Variants in DISP1 observed in about 807,000 individuals in gnomAD.
DISP1 encodes dispatched RND transporter family member 1, also known as protein dispatched homolog 1.
A neutral mutation model predicts 37.3 loss-of-function variants in DISP1; 30 were observed. The observed-to-expected ratio is 0.80, with a 90% CI of 0.60 to 1.09. DISP1 has a LOEUF of 1.09. Among genes scored for constraint, DISP1 ranks in the 50% least tolerant of loss-of-function variants. The probability of loss-of-function intolerance (pLI) is 0.00; values close to 1 mark genes in which losing one functional copy is unlikely to be tolerated. For synonymous variants in DISP1, 634 were observed against 690.2 expected (o/e 0.92, Z 1.28); for missense variants, 1,598 against 1,879.5 (o/e 0.85, Z 2.77).
Position 223,002,655 on chromosome 1 carries a change from A to G in DISP1, c.1258A>G (p.Lys420Glu), listed in dbSNP as rs1368159731. The change falls in exon 9 of 9, where the codon AAG (lysine) becomes GAG (glutamate). Residue 420 changes from lysine (K) to glutamate (E), a missense_variant. Transcript: ENST00000675850. The stretch of plus-strand genomic sequence containing the variant: ...CACCAATGTGCCACGCAAATGTACC[A>G]AGTACAATGCTGTGTACCAGATCCT... ...KCTNVPRKCT[K>E]YNAVYQILHY... 2 of 1,614,078 alleles carry G rather than the reference A, an allele frequency of 1.2e-6. No individual in the cohort carries two copies. Among genetic ancestry groups the G allele is most frequent in the African/African-American group, 1.3e-5 (1 of 74,932 alleles).
chr1:222,828,940 G>A (rs1293689495), intron 1 of DISP1, among the ~76,000 whole-genome samples: 1 of 152,168 alleles, frequency 6.6e-6, no homozygotes, highest in Non-Finnish European at 1.5e-5. Context: ...CTTCATGGGA[G>A]TATTTTGTAT....
chr1:222,993,396 A>G (rs1214646002), intron 7 of DISP1, among the ~76,000 whole-genome samples: 1 of 152,228 alleles, frequency 6.6e-6, no homozygotes, highest in African/African-American at 2.4e-5. Context: ...GAATATTAAC[A>G]TTAAAGCTCT....
intron 1 of DISP1, among the ~76,000 whole-genome samples, chr1:222,865,310 ATAT>A (rs1669121438): frequency 6.6e-6 from 1 of 152,150 alleles, no homozygotes; most frequent in Non-Finnish European, 1.5e-5. Context: ...GGTTAGTTTT[ATAT>A]TATTAAGACT....
intron 1 of DISP1, among the ~76,000 whole-genome samples, chr1:222,881,589 T>G (rs892240268): frequency 1.2e-4 from 18 of 152,224 alleles, no homozygotes. Context: ...TGTTTTTGTT[T>G]TTTCCTCCTT....
chr1:222,944,171 A>C (rs750781697), intron 3 of DISP1, among the ~76,000 whole-genome samples: 1 of 152,200 alleles, frequency 6.6e-6, no homozygotes, highest in African/African-American at 2.4e-5. Context: ...AATTCCCTTC[A>C]TAGCAGATAA....
rs976201878 is a variant in DISP1, at chr1:222,998,380, TAA to T, written c.987+3399_987+3400del. Among the ~76,000 whole-genome samples the T allele has an allele frequency of 2.6e-5, 4 of 151,722 alleles. 1 individual carries two copies. In the East Asian group the frequency reaches 5.9e-4, roughly 22 times the overall value. ...TCCAGAAAACGTCTGGTAATTAGTA[TAA>T]GATCTCAGTGAGACCAGATGTTTCA... On this transcript the variant is annotated intron_variant, in intron 8 of 8. Transcript: ENST00000675850.
rs1456774655 is a variant in DISP1 at position 222,970,512 on chromosome 1, C to T, written c.510-12568C>T. ...AACATCAAATTTTGATTACAGGAAC[C>T]TGGCTCACTAGCTTTAGCCATGCCA... On this transcript the variant is annotated intron_variant, in intron 3 of 8. Coordinates refer to ENST00000675850, the MANE Select transcript of DISP1 (RefSeq NM_001377229.1). Among the ~76,000 whole-genome samples the T allele has an allele frequency of 2.6e-5, 4 of 152,264 alleles. No homozygotes were observed. The South Asian group carries it at 6.2e-4, about 24-fold the overall frequency.
chr1:223,003,390 A>G lies in DISP1; in HGVS notation c.1993A>G (p.Asn665Asp). Residue 665 changes from asparagine to aspartate, a missense_variant, in exon 9 of 9, where the codon AAT becomes GAT. Transcript: ENST00000675850. This position sits in a 1 kb window ranked among gnomAD's most constrained non-coding sequence, Gnocchi z 4.3. The part of the protein sequence containing the change: ...VVVLHERYLL[N>D]IFTCFKKPQQ... Reference sequence around the variant, plus strand: ...TGTGCTGCATGAGCGGTATCTTCTTAATATATTCACTTGCTTCAAAAAGCC... The same window carrying G: ...TGTGCTGCATGAGCGGTATCTTCTTGATATATTCACTTGCTTCAAAAAGCC... The G allele has an allele frequency of 1.2e-6, 2 of 1,614,120 alleles. No individual in the cohort carries two copies. The highest frequency in any genetic ancestry group is 1.7e-6 in the Non-Finnish European group (2 of 1,180,038).
At chr1:222,849,796 A>G (rs932501465) in intron 1 of DISP1, among the ~76,000 whole-genome samples, 4 of 152,194 alleles carry the variant, frequency 2.6e-5, no homozygotes, top group African/African-American at 7.2e-5. Flanking sequence ...AAATCATACC[A>G]GTTTTAGATC....
intron 1 of DISP1, among the ~76,000 whole-genome samples, chr1:222,903,735 A>G (rs1671744445): frequency 6.6e-6 from 1 of 152,212 alleles, no homozygotes; most frequent in African/African-American, 2.4e-5. Flanking sequence ...ATTAGATGGT[A>G]TCATAGATAT....
intron 3 of DISP1, among the ~76,000 whole-genome samples, chr1:222,947,212 C>G (rs1253523749): frequency 6.6e-6 from 1 of 152,072 alleles, no homozygotes; most frequent in East Asian, 1.9e-4. Context: ...TACTTTTTGT[C>G]TCCATGAATT....
chr1:222,823,327 AACAC>A (rs372482063), intron 1 of DISP1, among the ~76,000 whole-genome samples: 53 of 152,112 alleles, frequency 3.5e-4, no homozygotes, highest in Non-Finnish European at 6.5e-4. Context: ...GTGTACACAC[AACAC>A]ACACACACGA....
At chr1:222,943,831 C>T (rs1051724479) in intron 3 of DISP1, among the ~76,000 whole-genome samples, 1 of 152,120 alleles carries the variant, frequency 6.6e-6, no homozygotes, top group Non-Finnish European at 1.5e-5. Context: ...GAGTTTGAGA[C>T]CAGCCTGACG....
intron 1 of DISP1, among the ~76,000 whole-genome samples, chr1:222,854,059 C>A (rs983751061): frequency 6.6e-6 from 1 of 152,072 alleles, no homozygotes; most frequent in African/African-American, 2.4e-5. Flanking sequence ...TGCCTTGAAA[C>A]ATATAAAATT....
intron 8 of DISP1, 25 bp downstream of exon 8, chr1:222,995,007 TC>T: frequency 6.5e-7 from 1 of 1,548,932 alleles, no homozygotes; most frequent in Non-Finnish European, 8.9e-7. Flanking sequence ...AACTAAAATC[TC>T]CTTAGCACAA....
chr1:222,961,073 A>G (rs1299220415), intron 3 of DISP1, among the ~76,000 whole-genome samples: 1 of 152,168 alleles, frequency 6.6e-6, no homozygotes, highest in Non-Finnish European at 1.5e-5. Flanking sequence ...TTCTGAAACT[A>G]TTCCAAACAA....
intron 1 of DISP1, among the ~76,000 whole-genome samples, chr1:222,862,336 C>T (rs1424464372): frequency 1.3e-5 from 2 of 152,050 alleles, no homozygotes; most frequent in African/African-American, 4.8e-5. Flanking sequence ...ATTTGAGAAT[C>T]AGTTGTTGCC....
chr1:222,820,404 AG>A (rs544732732), intron 1 of DISP1, among the ~76,000 whole-genome samples: 93 of 152,326 alleles, frequency 6.1e-4, no homozygotes, highest in African/African-American at 2.2e-3. Flanking sequence ...ATATTTGAAA[AG>A]ACCTTAAGGA....
At chr1:222,918,734 A>G (rs192652693) in intron 1 of DISP1, among the ~76,000 whole-genome samples, 20 of 152,372 alleles carry the variant, frequency 1.3e-4, no homozygotes, top group Admixed American at 1.0e-3. Context: ...GCACGAGAAG[A>G]ATAAACCTTG....
Sources: allele counts gnomAD v4.1 joint callset (sites outside exome capture counted in the v4.1 genomes callset), GRCh38; gene constraint gnomAD v4.1.1; non-coding constraint Gnocchi (gnomAD v3.1); transcripts MANE v1.5; gene names NCBI Gene and HGNC (gene_info 2026-07-23, HGNC 2026-07-21).